SESTD1: variants seen among roughly 807,000 people sequenced by gnomAD.
The protein encoded by SESTD1 is SEC14 and spectrin domain containing 1, also known as SEC14 domain and spectrin repeat-containing protein 1.
Under a neutral mutation model 101.7 loss-of-function variants are expected in SESTD1, and 43 were observed. The ratio of observed to expected loss-of-function variants is 0.42; its 90% confidence interval spans 0.33 to 0.55. The LOEUF (loss-of-function observed/expected upper bound fraction) is 0.55. Among genes scored for constraint, SESTD1 ranks in the 20% least tolerant of loss-of-function variants. The pLI, the probability that SESTD1 is intolerant of heterozygous loss-of-function variation, is 0.07. For synonymous variants in SESTD1, 283 were observed against 286.8 expected, an observed-to-expected ratio of 0.99 and a Z score of 0.13; for missense variants, 647 against 815.1, an observed-to-expected ratio of 0.79 and a Z score of 2.51.
At chr2:179,155,332 GATATATAACTAT>G (rs2045608240) in intron 5 of SESTD1, among the ~76,000 whole-genome samples, 2 of 151,974 alleles carry the variant, frequency 1.3e-5, no homozygotes, top group Non-Finnish European at 2.9e-5. Context: ...ATATTAATAA[GATATATAACTAT>G]ATATACTAAG....
rs2044355889 is a variant in SESTD1 at position 179,105,234 on chromosome 2, T to C, written c.*4665A>G. On this transcript the variant is annotated 3_prime_UTR_variant, in exon 18 of 18. Transcript: ENST00000428443. ...ATACTTAAATAACAGATTTATGCTG[T>C]TGTTGTTTCTACTGGTCGGTGCTCG... 1 of 151,930 alleles carries C rather than the reference T, an allele frequency of 6.6e-6. No homozygotes were observed. Among genetic ancestry groups the C allele is most frequent in the South Asian group, 2.1e-4 (1 of 4,820 alleles). 9.4% of individuals were successfully genotyped at this position (151,930 alleles called of 1,614,324 possible). A position where few individuals can be genotyped will look rare whatever the true frequency, so the allele number is the denominator to read the frequency against.
At chr2:179,198,442 G>A (rs1012843235) in intron 1 of SESTD1, among the ~76,000 whole-genome samples, 71 of 152,132 alleles carry the variant, frequency 4.7e-4, no homozygotes, top group Admixed American at 5.9e-4. Context: ...ACTCAGCTCT[G>A]CATCAAGTGG....
chr2:179,248,059 A>G (rs1427994665), intron 1 of SESTD1, among the ~76,000 whole-genome samples: 1 of 151,588 alleles, frequency 6.6e-6, no homozygotes, highest in Non-Finnish European at 1.5e-5. Flanking sequence ...CAGAAGGGGG[A>G]AAAAAGGCAA....
Position 179,102,081 on chromosome 2 carries a change from T to A in SESTD1, c.*7818A>T, listed in dbSNP as rs2044284943. 6.6e-6 allele frequency: 1 copy of A among 152,098 alleles called. No homozygotes were observed. The highest frequency in any genetic ancestry group is 3.2e-3 in the Middle Eastern group (1 of 316). The allele number at this position is 152,098 out of a possible 1,614,324, so 9.4% of individuals were successfully genotyped here. A position where few individuals can be genotyped will look rare whatever the true frequency, so the allele number is the denominator to read the frequency against. On this transcript the variant is annotated 3_prime_UTR_variant, in exon 18 of 18. Transcript: ENST00000428443. The stretch of plus-strand genomic sequence containing the variant: ...TCCCTAAATACACATTCACCTTTGA[T>A]GCCTTAAAAATGGACTTCTCAGTAG...
chr2:179,219,450 A>C (rs1277552825), intron 1 of SESTD1, among the ~76,000 whole-genome samples: 4 of 152,262 alleles, frequency 2.6e-5, no homozygotes, highest in African/African-American at 7.2e-5. Flanking sequence ...ACGTAGACAC[A>C]AAATGGCAAT....
rs919177319 is a variant in SESTD1, at chr2:179,108,102, TC to T, written c.*1796del. Reference sequence around the variant, plus strand: ...TCAATCTTTAATCAAGGTTGAAATGTCAACTAGGCAATTAAAAAGAAGTACA... The same window carrying T: ...TCAATCTTTAATCAAGGTTGAAATGTAACTAGGCAATTAAAAAGAAGTACA... On this transcript the variant is annotated 3_prime_UTR_variant, in exon 18 of 18. Coordinates refer to ENST00000428443, the MANE Select transcript of SESTD1 (RefSeq NM_178123.5). The T allele has an allele frequency of 6.6e-6, 1 of 152,116 alleles. No individual in the cohort carries two copies. Among genetic ancestry groups the T allele is most frequent in the African/African-American group, 2.4e-5 (1 of 41,424 alleles). The allele number at this position is 152,116 out of a possible 1,614,324, so 9.4% of individuals were successfully genotyped here. A position where few individuals can be genotyped will look rare whatever the true frequency, so the allele number is the denominator to read the frequency against.
At chr2:179,152,330 A>G (rs983172550) in intron 5 of SESTD1, among the ~76,000 whole-genome samples, 1 of 152,176 alleles carries the variant, frequency 6.6e-6, no homozygotes, top group African/African-American at 2.4e-5. Flanking sequence ...ACAGAGAGAA[A>G]GGTGAAAGGG....
chr2:179,193,040 T>C (rs937750288), intron 1 of SESTD1, among the ~76,000 whole-genome samples: 1 of 151,822 alleles, frequency 6.6e-6, no homozygotes, highest in Non-Finnish European at 1.5e-5. Flanking sequence ...TATTAACCTA[T>C]CCCACCTAAG....
chr2:179,106,821 T>A lies in SESTD1; in HGVS notation c.*3078A>T, dbSNP rs953803464. On this transcript the variant is annotated 3_prime_UTR_variant, in exon 18 of 18. Coordinates refer to ENST00000428443, the MANE Select transcript of SESTD1 (RefSeq NM_178123.5). ...AATGAGGACTGGGAACAAAGCCAAT[T>A]TGACCTAAAATGAAGTCATCATTTT... 6.6e-6 allele frequency: 1 copy of A among 152,046 alleles called. No individual in the cohort carries two copies. The highest frequency in any genetic ancestry group is 1.9e-4 in the East Asian group (1 of 5,194). The allele number at this position is 152,046 out of a possible 1,614,324, so 9.4% of individuals were successfully genotyped here. A position where few individuals can be genotyped will look rare whatever the true frequency, so the allele number is the denominator to read the frequency against.
At chr2:179,219,101 A>G (rs924638964) in intron 1 of SESTD1, among the ~76,000 whole-genome samples, 2 of 152,072 alleles carry the variant, frequency 1.3e-5, no homozygotes, top group Admixed American at 6.5e-5. Context: ...CCGCAGCTAC[A>G]TAAGTTGCTG....
At chr2:179,122,122 G>A (rs904098054) in intron 12 of SESTD1, among the ~76,000 whole-genome samples, 193 bp from the exon 13 acceptor site, 1 of 152,102 alleles carries the variant, frequency 6.6e-6, no homozygotes, top group Non-Finnish European at 1.5e-5. Context: ...AATGTAACTC[G>A]AATTGGAGCT....
intron 1 of SESTD1, among the ~76,000 whole-genome samples, chr2:179,256,781 C>G (rs531278276): frequency 3.5e-5 from 5 of 143,514 alleles, no homozygotes; most frequent in South Asian, 2.2e-4. Context: ...CACTGAACTC[C>G]AGCCTAGGCG....
At position 179,104,109 on chromosome 2, in the gene SESTD1, T is replaced by C. The variant is rs2044329910; in HGVS notation, c.*5790A>G. 6.6e-6 allele frequency: 1 copy of C among 152,130 alleles called. No homozygotes were observed. Among genetic ancestry groups the C allele is most frequent in the South Asian group, 2.1e-4 (1 of 4,834 alleles). 9.4% of individuals were successfully genotyped at this position (152,130 alleles called of 1,614,324 possible). On this transcript the variant is annotated 3_prime_UTR_variant, in exon 18 of 18. Coordinates refer to ENST00000428443, the MANE Select transcript of SESTD1 (RefSeq NM_178123.5). ...GGGTGCAATGTTTACCAAATAGTTT[T>C]GCTGAGAATTTCATTACTGATTTTA...
intron 1 of SESTD1, among the ~76,000 whole-genome samples, chr2:179,231,485 TACA>T (rs1461779621): frequency 3.3e-5 from 5 of 150,030 alleles, no homozygotes; most frequent in South Asian, 2.1e-4. Context: ...AAGTAGCTGC[TACA>T]ACAACAAACA....
chr2:179,118,653 T>A (rs1298858423), intron 13 of SESTD1, among the ~76,000 whole-genome samples: 1 of 152,206 alleles, frequency 6.6e-6, no homozygotes, highest in Non-Finnish European at 1.5e-5. Context: ...AGGGAAGTGA[T>A]AATTATTTTT....
At chr2:179,163,776 T>C (rs2045785031) in intron 5 of SESTD1, among the ~76,000 whole-genome samples, 1 of 152,154 alleles carries the variant, frequency 6.6e-6, no homozygotes, top group Non-Finnish European at 1.5e-5. Context: ...AACTAGCACA[T>C]ATCATGGTTC....
intron 1 of SESTD1, among the ~76,000 whole-genome samples, chr2:179,235,197 A>G (rs2047049160): frequency 6.6e-6 from 1 of 152,144 alleles, no homozygotes; most frequent in Admixed American, 6.5e-5. Flanking sequence ...GTGGTTATAT[A>G]TTTTTTAAAA....
At position 179,150,692 on chromosome 2, in the gene SESTD1, T is replaced by C. The variant is rs141818839; in HGVS notation, c.483+586A>G. On this transcript the variant is annotated intron_variant, in intron 6 of 17. Transcript: ENST00000428443. ...AAAATTAGCTGGGCGTGGTGGCGCG[T>C]GCCTGTAATCCCAGCTACTCACGAG... is the stretch of plus-strand genomic sequence containing the variant. Among the ~76,000 whole-genome samples, 1,326 of 152,062 alleles carry C rather than the reference T, an allele frequency of 8.7e-3. 10 individuals carry two copies. The highest frequency in any genetic ancestry group is 0.03 in the African/African-American group (1,239 of 41,472).
intron 1 of SESTD1, among the ~76,000 whole-genome samples, chr2:179,237,512 T>C (rs1171255978): frequency 6.6e-6 from 1 of 152,198 alleles, no homozygotes; most frequent in East Asian, 1.9e-4. Flanking sequence ...AGTTTTTATT[T>C]ACCATTGTGT....
Sources: allele counts gnomAD v4.1 joint callset (sites outside exome capture counted in the v4.1 genomes callset), GRCh38; gene constraint gnomAD v4.1.1; transcripts MANE v1.5; gene names NCBI Gene and HGNC (gene_info 2026-07-23, HGNC 2026-07-21).